DNAH9: variants seen among roughly 807,000 people sequenced by gnomAD.
DNAH9 encodes DNAH9 variant protein.
DNAH9 carries 345 observed loss-of-function variants against 471.6 expected under a neutral mutation model. The ratio of observed to expected loss-of-function variants is 0.73; its 90% CI spans 0.67 to 0.80. The LOEUF (loss-of-function observed/expected upper bound fraction) is 0.80, where lower values mean the gene tolerates loss of function less well. DNAH9 is among the 30% of genes least tolerant of loss of function. The probability of loss-of-function intolerance (pLI) is 0.00; values close to 1 mark genes in which losing one functional copy is unlikely to be tolerated. For missense variants in DNAH9, 5,407 were observed against 5,609.2 expected (o/e 0.96, Z 1.15); for synonymous variants, 2,093 against 2,123.6 (o/e 0.99, Z 0.40).
rs573421847 is a variant in DNAH9 at position 11,965,467 on chromosome 17, C to T, written c.13233+3211C>T. ...CTTTACAGAATCAGTTCAGAAAAGTCACTAAACAAACCCTGGCAAGAGAGA... is the reference window on the plus strand; with the variant it reads ...CTTTACAGAATCAGTTCAGAAAAGTTACTAAACAAACCCTGGCAAGAGAGA... On this transcript the variant is annotated intron_variant, in intron 68 of 68. Coordinates refer to ENST00000262442, the MANE Select transcript of DNAH9 (RefSeq NM_001372.4). Among the ~76,000 whole-genome samples the T allele has an allele frequency of 3.3e-5, 5 of 152,316 alleles. No homozygotes were observed. In the East Asian group the frequency reaches 5.8e-4, roughly 18 times the overall value.
chr17:11,611,713 G>A lies in DNAH9; in HGVS notation c.837G>A (p.Lys279=). The change falls in exon 4 of 69, where the codon AAG becomes AAA. Residue 279 remains lysine, a synonymous_variant. Coordinates refer to ENST00000262442, the MANE Select transcript of DNAH9 (RefSeq NM_001372.4). ...LRTITVRGMA[K]LLDKLQSSYF... ...CAATAACGGTGAGGGGCATGGCCAA[G>A]CTCCTGGACAAGCTTCAGAGTAGCT... 6.2e-7 allele frequency: 1 copy of A among 1,614,032 alleles called. No individual in the cohort carries two copies. Among genetic ancestry groups the A allele is most frequent in the Admixed American group, 1.7e-5 (1 of 60,034 alleles).
intron 50 of DNAH9, among the ~76,000 whole-genome samples, chr17:11,866,277 G>A (rs1472677705): frequency 4.6e-5 from 7 of 152,158 alleles, no homozygotes; most frequent in Non-Finnish European, 7.4e-5. Flanking sequence ...TTTGCTGGAG[G>A]TCCACTCCAG....
At chr17:11,781,242 T>C in intron 39 of DNAH9, 68 bp downstream of exon 39, 1 of 1,525,046 alleles carries the variant, frequency 6.6e-7, no homozygotes, top group Non-Finnish European at 8.8e-7. Flanking sequence ...AAGGCCAGTC[T>C]CTATTCTGCC....
chr17:11,714,022 G>A (rs2074917651), intron 26 of DNAH9, among the ~76,000 whole-genome samples: 1 of 152,224 alleles, frequency 6.6e-6, no homozygotes, highest in Non-Finnish European at 1.5e-5. Flanking sequence ...GGATGATGAA[G>A]AATCTCATAA....
At chr17:11,780,611 C>T (rs1968631643) in intron 38 of DNAH9, among the ~76,000 whole-genome samples, 1 of 152,138 alleles carries the variant, frequency 6.6e-6, no homozygotes, top group South Asian at 2.1e-4. Flanking sequence ...ACAGAAGAAG[C>T]ATGGTCTTTG....
intron 43 of DNAH9, among the ~76,000 whole-genome samples, chr17:11,804,034 G>T (rs1440771355): frequency 6.6e-6 from 1 of 152,212 alleles, no homozygotes; most frequent in Non-Finnish European, 1.5e-5. Context: ...GGCATGGGTT[G>T]TTCTGTTTAA....
chr17:11,624,767 T>A (rs1249854683), intron 6 of DNAH9, among the ~76,000 whole-genome samples: 2 of 152,106 alleles, frequency 1.3e-5, no homozygotes, highest in South Asian at 2.1e-4. Flanking sequence ...CCTCCCACTT[T>A]CCTGGTTTGA....
At chr17:11,941,693 CGGAT>C (rs1567565539) in intron 66 of DNAH9, among the ~76,000 whole-genome samples, 3 of 124,594 alleles carry the variant, frequency 2.4e-5, no homozygotes, top group South Asian at 3.0e-4. Context: ...AGTGGATGAC[CGGAT>C]AGATAGATAG....
At chr17:11,946,686 A>AG (rs951682888) in intron 67 of DNAH9, among the ~76,000 whole-genome samples, 1 of 150,964 alleles carries the variant, frequency 6.6e-6, no homozygotes, top group African/African-American at 2.4e-5. Flanking sequence ...AAAAAGAAAA[A>AG]GAAAAAAAAA....
At chr17:11,609,219 A>G (rs901038094) in intron 2 of DNAH9, among the ~76,000 whole-genome samples, 1 of 152,230 alleles carries the variant, frequency 6.6e-6, no homozygotes, top group Non-Finnish European at 1.5e-5. Flanking sequence ...CGTGCAATGC[A>G]TTATAAAATA....
chr17:11,863,914 TTTTC>T (rs1971948225), intron 50 of DNAH9, among the ~76,000 whole-genome samples: 2 of 152,122 alleles, frequency 1.3e-5, no homozygotes, highest in South Asian at 4.1e-4. Context: ...TTCTCTCCTT[TTTTC>T]TTTATTAGTC....
chr17:11,821,470 G>C (rs1597695320), intron 45 of DNAH9, among the ~76,000 whole-genome samples: 2 of 151,988 alleles, frequency 1.3e-5, no homozygotes, highest in South Asian at 4.1e-4. Context: ...AACAGTGATA[G>C]CTTGCTCTTT....
intron 4 of DNAH9, among the ~76,000 whole-genome samples, chr17:11,616,488 A>G (rs1159355556): frequency 1.3e-5 from 2 of 152,084 alleles, no homozygotes; most frequent in Non-Finnish European, 2.9e-5. Context: ...ATTCCCTCTA[A>G]GTTGCTACGC....
Position 11,689,807 on chromosome 17 carries a change from G to C in DNAH9, c.3985G>C (p.Val1329Leu). The C allele has an allele frequency of 6.2e-7, 1 of 1,614,108 alleles. No individual in the cohort carries two copies. The highest frequency in any genetic ancestry group is 8.5e-7 in the Non-Finnish European group (1 of 1,179,986). ...GACCACACCCTGGAGGAATATCAAC[G>C]TGGAAGCCATGGAGTTGGAGTGCAA... is the stretch of plus-strand genomic sequence containing the variant. ...WETTPWRNIN[V>L]EAMELECKQF... is the part of the protein sequence containing the mutation. Residue 1329 changes from valine to leucine, a missense_variant, in exon 20 of 69, where the codon GTG becomes CTG. By Grantham distance (32) the Val-to-Leu change is conservative (BLOSUM62 1). Transcript: ENST00000262442.
rs185102462 is a variant in DNAH9, at chr17:11,748,181, G to A, written c.6610+415G>A. The stretch of plus-strand genomic sequence containing the variant: ...AAAAAAAAAAAAAAAAAAAAAATCA[G>A]CTGGGCGTGGTGGTGCACATCTGTA... On this transcript the variant is annotated intron_variant, in intron 32 of 68. Transcript: ENST00000262442. Among the ~76,000 whole-genome samples the A allele has an allele frequency of 1.2e-3, 169 of 146,612 alleles. 1 individual carries two copies. Among genetic ancestry groups the A allele is most frequent in the African/African-American group, 3.9e-3 (152 of 39,046 alleles).
At chr17:11,869,374 A>G (rs1020320277) in intron 51 of DNAH9, 121 bp downstream of exon 51, 11 of 1,353,016 alleles carry the variant, frequency 8.1e-6, no homozygotes, top group East Asian at 2.4e-5. Flanking sequence ...AAGTATTAAA[A>G]TGTGCTGAAA....
chr17:11,814,128 A>G lies in DNAH9; in HGVS notation c.8707+3759A>G, dbSNP rs573999347. Among the ~76,000 whole-genome samples the G allele has an allele frequency of 1.6e-4, 25 of 152,308 alleles. 1 individual carries two copies. In the South Asian group the frequency reaches 5.2e-3, roughly 32 times the overall value. On this transcript the variant is annotated intron_variant, in intron 45 of 68. Coordinates refer to ENST00000262442, the MANE Select transcript of DNAH9 (RefSeq NM_001372.4). ...CTATAATAATTCCTGAGGAATGTGCACTGATCATCAAACCCAGGCATTTAA... is the reference window on the plus strand; with the variant it reads ...CTATAATAATTCCTGAGGAATGTGCGCTGATCATCAAACCCAGGCATTTAA...
chr17:11,762,104 A>G (rs916359619), intron 35 of DNAH9, among the ~76,000 whole-genome samples: 2 of 152,204 alleles, frequency 1.3e-5, no homozygotes, highest in East Asian at 1.9e-4. Context: ...CTCGTCACTC[A>G]TGGAAGTAAT....
intron 53 of DNAH9, among the ~76,000 whole-genome samples, chr17:11,877,646 G>A (rs1484724071): frequency 6.6e-6 from 1 of 152,000 alleles, no homozygotes. Flanking sequence ...CAGATCACTC[G>A]GGGTTGTTCA....
Sources: allele counts gnomAD v4.1 joint callset (sites outside exome capture counted in the v4.1 genomes callset), GRCh38; gene constraint gnomAD v4.1.1; transcripts MANE v1.5; gene names NCBI Gene and HGNC (gene_info 2026-07-23, HGNC 2026-07-21).